FBXL7: variants seen among roughly 807,000 people sequenced by gnomAD.
The protein encoded by FBXL7 is F-box and leucine rich repeat protein 7, also known as F-box/LRR-repeat protein 7.
In FBXL7, 12 loss-of-function variants were observed where a neutral mutation model predicts 38.3. The observed-to-expected ratio is 0.31, with a 90% confidence interval of 0.20 to 0.51. The LOEUF (loss-of-function observed/expected upper bound fraction) is 0.51, where lower values mean the gene tolerates loss of function less well. Ranked by LOEUF, FBXL7 falls within the 20% of genes least tolerant of loss-of-function variation. The pLI, the probability that FBXL7 is intolerant of heterozygous loss-of-function variation, is 0.98. For synonymous variants in FBXL7, 297 were observed against 300.9 expected, an observed-to-expected ratio of 0.99 and a Z score of 0.13; for missense variants, 567 against 676.4, an observed-to-expected ratio of 0.84 and a Z score of 1.79.
At chr5:15,915,911 A>G (rs1741571913) in intron 2 of FBXL7, among the ~76,000 whole-genome samples, 1 of 152,184 alleles carries the variant, frequency 6.6e-6, no homozygotes, top group Non-Finnish European at 1.5e-5. Flanking sequence ...ATCCATAGCC[A>G]GTCAAAGTGA....
chr5:15,500,784 G>A, intron 1 of FBXL7, 71 bp downstream of exon 1: 30 of 1,560,144 alleles, frequency 1.9e-5, no homozygotes, highest in Non-Finnish European at 2.4e-5. Flanking sequence ...CTCCCGACTG[G>A]GAAGGGAGGT....
chr5:15,660,554 C>T (rs902057531), intron 2 of FBXL7, among the ~76,000 whole-genome samples: 3 of 152,140 alleles, frequency 2.0e-5, no homozygotes, highest in Non-Finnish European at 2.9e-5. Flanking sequence ...GACGGGGTTT[C>T]ACCGTGTTGG....
At chr5:15,659,439 G>A (rs1479491602) in intron 2 of FBXL7, among the ~76,000 whole-genome samples, 2 of 152,124 alleles carry the variant, frequency 1.3e-5, no homozygotes, top group African/African-American at 4.8e-5. Flanking sequence ...GTGTGTTGGT[G>A]GACATGTACA....
At chr5:15,833,602 T>C (rs1379238585) in intron 2 of FBXL7, among the ~76,000 whole-genome samples, 1 of 152,168 alleles carries the variant, frequency 6.6e-6, no homozygotes, top group African/African-American at 2.4e-5. Context: ...TCTAAAGCAA[T>C]AGTCACACAA....
At chr5:15,761,169 G>A (rs1404271090) in intron 2 of FBXL7, among the ~76,000 whole-genome samples, 2 of 152,238 alleles carry the variant, frequency 1.3e-5, no homozygotes, top group Non-Finnish European at 2.9e-5. Flanking sequence ...ATGAGAGGCA[G>A]TCTGTTCTTT....
chr5:15,728,377 G>C (rs1189500262), intron 2 of FBXL7, among the ~76,000 whole-genome samples: 1 of 152,086 alleles, frequency 6.6e-6, no homozygotes, highest in Admixed American at 6.6e-5. Flanking sequence ...GATAAATTGA[G>C]AGGCATAGGG....
chr5:15,832,434 G>A (rs774259287), intron 2 of FBXL7, among the ~76,000 whole-genome samples: 1 of 152,178 alleles, frequency 6.6e-6, no homozygotes, highest in Non-Finnish European at 1.5e-5. Context: ...AGACCTCCGT[G>A]TGAAGTTATA....
chr5:15,621,257 G>A (rs1740630778), intron 2 of FBXL7, among the ~76,000 whole-genome samples: 2 of 152,212 alleles, frequency 1.3e-5, no homozygotes, highest in Non-Finnish European at 2.9e-5. Context: ...TCTTGTGACA[G>A]TTTAAGTTTC....
At chr5:15,641,222 C>T (rs1741359072) in intron 2 of FBXL7, among the ~76,000 whole-genome samples, 1 of 152,136 alleles carries the variant, frequency 6.6e-6, no homozygotes, top group Non-Finnish European at 1.5e-5. Flanking sequence ...TGACCTAGTC[C>T]CACCTAAACC....
chr5:15,543,389 C>G (rs1472778836), intron 1 of FBXL7, among the ~76,000 whole-genome samples: 1 of 152,182 alleles, frequency 6.6e-6, no homozygotes, highest in Non-Finnish European at 1.5e-5. Context: ...ATTGTGTCCA[C>G]CTGGCTCCAC....
chr5:15,506,669 C>T (rs1580342556), intron 1 of FBXL7, among the ~76,000 whole-genome samples: 2 of 151,956 alleles, frequency 1.3e-5, no homozygotes, highest in African/African-American at 4.8e-5. Flanking sequence ...TTCTGAGTTG[C>T]AGATTGCTGT....
chr5:15,708,732 A>C (rs975039870), intron 2 of FBXL7, among the ~76,000 whole-genome samples: 1 of 152,072 alleles, frequency 6.6e-6, no homozygotes, highest in Non-Finnish European at 1.5e-5. Flanking sequence ...TCTCAGTTCT[A>C]TTTGCTTGAA....
chr5:15,555,914 C>T (rs1234239859), intron 1 of FBXL7, among the ~76,000 whole-genome samples: 2 of 151,910 alleles, frequency 1.3e-5, no homozygotes, highest in East Asian at 3.9e-4. Context: ...TCAGGGTTCT[C>T]CAGAGAAACA....
intron 2 of FBXL7, among the ~76,000 whole-genome samples, chr5:15,795,073 T>C (rs973320598): frequency 2.0e-5 from 3 of 152,350 alleles, no homozygotes; most frequent in African/African-American, 4.8e-5. Flanking sequence ...GGCAGCCTTC[T>C]GTGTGATTCT....
At chr5:15,580,452 A>T (rs895863481) in intron 1 of FBXL7, among the ~76,000 whole-genome samples, 1 of 152,160 alleles carries the variant, frequency 6.6e-6, no homozygotes, top group Non-Finnish European at 1.5e-5. Context: ...TCTAGGGGCC[A>T]TGTGATCGTG....
At chr5:15,568,361 T>C (rs1266851312) in intron 1 of FBXL7, among the ~76,000 whole-genome samples, 2 of 152,268 alleles carry the variant, frequency 1.3e-5, no homozygotes, top group East Asian at 3.8e-4. Flanking sequence ...TGAGCATTTT[T>C]TCATGTGTCT....
At chr5:15,690,599 T>C (rs1464191313) in intron 2 of FBXL7, among the ~76,000 whole-genome samples, 1 of 152,226 alleles carries the variant, frequency 6.6e-6, no homozygotes, top group African/African-American at 2.4e-5. Context: ...TTGTTAACAA[T>C]AGATCCCCAG....
At chr5:15,876,665 A>G (rs1740221825) in intron 2 of FBXL7, among the ~76,000 whole-genome samples, 1 of 152,206 alleles carries the variant, frequency 6.6e-6, no homozygotes, top group African/African-American at 2.4e-5. Flanking sequence ...GTAAGAAACT[A>G]TTAACCTGTA....
chr5:15,864,355 A>G (rs1739612763), intron 2 of FBXL7, among the ~76,000 whole-genome samples: 1 of 152,162 alleles, frequency 6.6e-6, no homozygotes, highest in Admixed American at 6.5e-5. Context: ...GTGGTTCTCT[A>G]TCAGTGCCTA....
Sources: gnomAD v4.1 joint callset for allele counts (sites outside exome capture counted in the v4.1 genomes callset) on GRCh38, gnomAD v4.1.1 for gene constraint, MANE v1.5 for transcripts, NCBI Gene and HGNC (gene_info 2026-07-23, HGNC 2026-07-21) for gene names.